Variants in RIMS1 observed in about 807,000 individuals in gnomAD.
RIMS1 encodes regulating synaptic membrane exocytosis protein 1.
RIMS1 carries 83 observed loss-of-function variants against 214.1 expected under a neutral mutation model. That is an observed-to-expected ratio of 0.39 (90% CI 0.32 to 0.47). RIMS1 has a LOEUF of 0.47. RIMS1 is among the 20% of genes least tolerant of loss of function. The probability of loss-of-function intolerance (pLI) is 0.99; values close to 1 mark genes in which losing one functional copy is unlikely to be tolerated. For missense variants in RIMS1, 2,050 were observed against 2,161.8 expected (o/e 0.95, Z 1.03); for synonymous variants, 793 against 786.8 (o/e 1.01, Z -0.13).
chr6:72,100,425 T>C (rs1175314546), intron 4 of RIMS1, among the ~76,000 whole-genome samples: 1 of 152,076 alleles, frequency 6.6e-6, no homozygotes, highest in African/African-American at 2.4e-5. Context: ...AAAGTATAAT[T>C]ATTTTTCTAT....
intron 2 of RIMS1, among the ~76,000 whole-genome samples, chr6:72,023,660 G>A (rs1188438195): frequency 6.6e-6 from 1 of 151,846 alleles, no homozygotes; most frequent in Non-Finnish European, 1.5e-5. Context: ...GCTATTTGTA[G>A]CTAAGTCAAG....
At chr6:72,036,812 G>T (rs373928796) in intron 2 of RIMS1, among the ~76,000 whole-genome samples, 1 of 152,288 alleles carries the variant, frequency 6.6e-6, no homozygotes, top group African/African-American at 2.4e-5. Flanking sequence ...AGCTGTTAAA[G>T]TTGTCACGCA....
chr6:72,221,963 G>A (rs1239052545), intron 6 of RIMS1, among the ~76,000 whole-genome samples: 1 of 151,980 alleles, frequency 6.6e-6, no homozygotes, highest in Non-Finnish European at 1.5e-5. Context: ...AGTCTTCAAT[G>A]TGCACATTTT....
At chr6:72,373,741 G>A (rs1245448809) in intron 29 of RIMS1, among the ~76,000 whole-genome samples, 1 of 151,710 alleles carries the variant, frequency 6.6e-6, no homozygotes, top group Admixed American at 6.6e-5. Context: ...AAGTAATTTA[G>A]TCAATTCCTT....
At chr6:72,133,802 C>A (rs977666079) in intron 4 of RIMS1, among the ~76,000 whole-genome samples, 10 of 152,074 alleles carry the variant, frequency 6.6e-5, no homozygotes, top group African/African-American at 1.2e-4. Flanking sequence ...GGATACCTAG[C>A]ACATAATGGA....
chr6:72,144,888 T>C (rs1486021368), intron 4 of RIMS1, among the ~76,000 whole-genome samples: 1 of 151,072 alleles, frequency 6.6e-6, no homozygotes, highest in African/African-American at 2.4e-5. Flanking sequence ...CTTTCTTTTT[T>C]CTTTTTTTTT....
At chr6:71,888,247 T>G (rs574640087) in intron 1 of RIMS1, among the ~76,000 whole-genome samples, 2 of 152,144 alleles carry the variant, frequency 1.3e-5, no homozygotes, top group Non-Finnish European at 2.9e-5. Flanking sequence ...TGCCTTTTCT[T>G]GGGAAGTCTT....
At chr6:71,953,113 A>G (rs1173694233) in intron 1 of RIMS1, among the ~76,000 whole-genome samples, 1 of 151,844 alleles carries the variant, frequency 6.6e-6, no homozygotes, top group African/African-American at 2.4e-5. Flanking sequence ...CAGCCTCCCA[A>G]GGAGCTGGAA....
At position 71,978,263 on chromosome 6, in the gene RIMS1, G is replaced by A. The variant is rs138044686; in HGVS notation, c.245+9200G>A. ...TATGGATGCAATTGTATCTTAAATGGTATCTATTGTTGAATACTTTAGAAA... is the reference window on the plus strand; with the variant it reads ...TATGGATGCAATTGTATCTTAAATGATATCTATTGTTGAATACTTTAGAAA... On this transcript the variant is annotated intron_variant, in intron 2 of 33. Transcript: ENST00000521978. Among the ~76,000 whole-genome samples the A allele has an allele frequency of 5.9e-3, 896 of 152,196 alleles. 8 individuals carry two copies. Among genetic ancestry groups the A allele is most frequent in the African/African-American group, 0.02 (832 of 41,544 alleles).
intron 4 of RIMS1, among the ~76,000 whole-genome samples, chr6:72,173,775 TAAAC>T (rs997472897): frequency 6.6e-6 from 1 of 152,142 alleles, no homozygotes; most frequent in African/African-American, 2.4e-5. Context: ...TATAGGGGAA[TAAAC>T]AAAAGCGAGG....
chr6:72,391,938 G>A (rs2098709634), intron 30 of RIMS1, among the ~76,000 whole-genome samples: 1 of 152,180 alleles, frequency 6.6e-6, no homozygotes, highest in African/African-American at 2.4e-5. Flanking sequence ...CTCTGGATGG[G>A]ATTATAATCT....
At chr6:72,325,461 A>G (rs1472293622) in intron 28 of RIMS1, among the ~76,000 whole-genome samples, 1 of 150,996 alleles carries the variant, frequency 6.6e-6, no homozygotes, top group Non-Finnish European at 1.5e-5. Context: ...AAATATATAT[A>G]TATAATAACT....
intron 4 of RIMS1, among the ~76,000 whole-genome samples, chr6:72,146,695 A>G (rs1458733757): frequency 6.6e-6 from 1 of 152,178 alleles, no homozygotes; most frequent in East Asian, 1.9e-4. Flanking sequence ...AAACCTTTAG[A>G]TTTATTTAAT....
chr6:72,293,486 T>C (rs1193552785), intron 26 of RIMS1, among the ~76,000 whole-genome samples: 1 of 151,928 alleles, frequency 6.6e-6, no homozygotes, highest in Admixed American at 6.6e-5. Context: ...ATTCATGAGC[T>C]CCTGTTGCAC....
chr6:72,234,878 C>G (rs1458551173), intron 7 of RIMS1, among the ~76,000 whole-genome samples: 1 of 151,884 alleles, frequency 6.6e-6, no homozygotes, highest in Non-Finnish European at 1.5e-5. Flanking sequence ...AAGGTTCTTC[C>G]CTGTCTTTTT....
intron 6 of RIMS1, among the ~76,000 whole-genome samples, chr6:72,226,088 C>A (rs2060085500): frequency 1.3e-5 from 2 of 151,940 alleles, no homozygotes; most frequent in South Asian, 4.1e-4. Context: ...AGACCATGAC[C>A]ACATTCTTAT....
At position 72,166,300 on chromosome 6, in the gene RIMS1, G is replaced by GTTT. The variant is rs148899087; in HGVS notation, c.472-13262_472-13260dup. On this transcript the variant is annotated intron_variant, in intron 4 of 33. Coordinates refer to ENST00000521978, the MANE Select transcript of RIMS1 (RefSeq NM_014989.7). ...GAGACAGATGAACTCCTTGGTGTCTGTTTTTTTTTTTTTTTAAGAACACTA... is the reference window on the plus strand; with the variant it reads ...GAGACAGATGAACTCCTTGGTGTCTGTTTTTTTTTTTTTTTTTTAAGAACACTA... Among the ~76,000 whole-genome samples, 43 of 143,264 alleles carry GTTT rather than the reference G, an allele frequency of 3.0e-4. 1 individual carries two copies. Among genetic ancestry groups the GTTT allele is most frequent in the South Asian group, 6.6e-4 (3 of 4,542 alleles). The allele number at this position is 143,264 out of a possible 152,430, so 94.0% of individuals were successfully genotyped here.
chr6:72,348,998 A>C (rs1182967902), intron 29 of RIMS1, among the ~76,000 whole-genome samples: 2 of 151,980 alleles, frequency 1.3e-5, no homozygotes, highest in Non-Finnish European at 2.9e-5. Context: ...TTTGTTGGGC[A>C]TAGGGCCAGA....
intron 2 of RIMS1, among the ~76,000 whole-genome samples, chr6:71,973,974 T>A (rs980086459): frequency 2.0e-5 from 3 of 152,094 alleles, no homozygotes; most frequent in Non-Finnish European, 4.4e-5. Flanking sequence ...AGTGGAGTCA[T>A]GCTGTACTGA....
Sources: gnomAD v4.1 joint callset for allele counts (sites outside exome capture counted in the v4.1 genomes callset) on GRCh38, gnomAD v4.1.1 for gene constraint, MANE v1.5 for transcripts, NCBI Gene and HGNC (gene_info 2026-07-23, HGNC 2026-07-21) for gene names.